ISM1: variants seen among roughly 807,000 people sequenced by gnomAD.
ISM1 encodes the protein isthmin-1.
A neutral mutation model predicts 46.3 loss-of-function variants in ISM1; 25 were observed. That is an observed-to-expected ratio of 0.54 (90% CI 0.39 to 0.75). ISM1 has a LOEUF of 0.75. Among genes scored for constraint, ISM1 ranks in the 30% least tolerant of loss-of-function variants. ISM1 has a pLI of 0.00. For synonymous variants in ISM1, 255 were observed against 256.7 expected, an observed-to-expected ratio of 0.99 and a Z score of 0.06; for missense variants, 536 against 625.4, an observed-to-expected ratio of 0.86 and a Z score of 1.52.
chr20:13,275,768 A>T (rs1464516528), intron 2 of ISM1, among the ~76,000 whole-genome samples: 3 of 152,224 alleles, frequency 2.0e-5, no homozygotes, highest in Non-Finnish European at 4.4e-5. Flanking sequence ...CTCGTTGGTG[A>T]TGATATTGGA....
At chr20:13,291,094 T>C (rs2040348572) in intron 4 of ISM1, among the ~76,000 whole-genome samples, 1 of 152,198 alleles carries the variant, frequency 6.6e-6, no homozygotes, top group East Asian at 1.9e-4. Context: ...CTCAAGGTGG[T>C]AGATTTAAGT....
At chr20:13,260,602 G>GTT (rs61296867) in intron 1 of ISM1, among the ~76,000 whole-genome samples, 57 of 145,228 alleles carry the variant, frequency 3.9e-4, no homozygotes, top group African/African-American at 9.8e-4. Context: ...ATAAAGTGGA[G>GTT]TTTTTTTTTT....
At chr20:13,311,118 C>T in the ISM1 span, among the ~76,000 whole-genome samples, 10 of 151,990 alleles carry the variant, frequency 6.6e-5, no homozygotes, top group Non-Finnish European at 1.2e-4. Flanking sequence ...CACTTGAACC[C>T]GGGAAGCGGA....
At position 13,270,316 on chromosome 20, in the gene ISM1, T is replaced by C. The variant is rs138596284; in HGVS notation, c.139-188T>C. 1.8e-4 allele frequency among the ~76,000 whole-genome samples: 27 copies of C among 152,342 alleles called. No homozygotes were observed. The East Asian group carries it at 5.2e-3, about 29-fold the overall frequency. On this transcript the variant is annotated intron_variant, in intron 1 of 5. Transcript: ENST00000262487. ...TTCCCAAGTAGCAGGCTAGAAGTTTTCTGATGATCTGGCTTTTAAGACATG... is the reference window on the plus strand; with the variant it reads ...TTCCCAAGTAGCAGGCTAGAAGTTTCCTGATGATCTGGCTTTTAAGACATG...
At chr20:13,244,613 A>G (rs1269627044) in intron 1 of ISM1, among the ~76,000 whole-genome samples, 1 of 152,238 alleles carries the variant, frequency 6.6e-6, no homozygotes, top group Non-Finnish European at 1.5e-5. Context: ...GTTCACAGGC[A>G]TGGTATTACC....
chr20:13,301,045 C>T (rs1374108751), downstream of ISM1, among the ~76,000 whole-genome samples: 1 of 152,164 alleles, frequency 6.6e-6, no homozygotes, highest in Non-Finnish European at 1.5e-5. Context: ...AGACATTGGA[C>T]CCATCTTTCA....
intron 1 of ISM1, chr20:13,239,372 GGGCATGAAT>G (rs1273912999): frequency 6.6e-6 from 1 of 152,214 alleles, no homozygotes; most frequent in Admixed American, 6.5e-5. Context: ...ACCCAATAAT[GGGCATGAAT>G]GGCCTTGGCC....
chr20:13,260,602 GT>G (rs61296867), intron 1 of ISM1, among the ~76,000 whole-genome samples: 11,921 of 145,036 alleles, frequency 0.082, 531 homozygotes, highest in African/African-American at 0.094. Flanking sequence ...ATAAAGTGGA[GT>G]TTTTTTTTTT....
chr20:13,255,408 A>G (rs1434152185), intron 1 of ISM1, among the ~76,000 whole-genome samples: 1 of 152,238 alleles, frequency 6.6e-6, no homozygotes, highest in Non-Finnish European at 1.5e-5. Flanking sequence ...TTAGCCAGAA[A>G]CTGGACAAAA....
chr20:13,229,634 C>G (rs1313467364), intron 1 of ISM1, among the ~76,000 whole-genome samples: 1 of 152,174 alleles, frequency 6.6e-6, no homozygotes, highest in African/African-American at 2.4e-5. Context: ...TATTCTTACA[C>G]AAGCCTTTCT....
intron 1 of ISM1, among the ~76,000 whole-genome samples, chr20:13,246,860 C>T (rs963368893): frequency 1.3e-5 from 2 of 152,120 alleles, no homozygotes; most frequent in African/African-American, 4.8e-5. Flanking sequence ...ATAACTCCTG[C>T]ATTGTAATTA....
At chr20:13,253,213 G>C (rs1223087294) in intron 1 of ISM1, among the ~76,000 whole-genome samples, 1 of 152,154 alleles carries the variant, frequency 6.6e-6, no homozygotes, top group Admixed American at 6.5e-5. Flanking sequence ...CAGGGTTTTT[G>C]ATCTTCTCAC....
At chr20:13,221,995 A>T in intron 1 of ISM1, 81 bp downstream of exon 1, 1 of 1,216,176 alleles carries the variant, frequency 8.2e-7, no homozygotes, top group South Asian at 2.8e-5. Flanking sequence ...TGCCGGGTGG[A>T]TGCAGGGAGG....
chr20:13,271,939 C>A (rs1345623403), intron 2 of ISM1, among the ~76,000 whole-genome samples: 3 of 152,072 alleles, frequency 2.0e-5, no homozygotes, highest in Non-Finnish European at 1.5e-5. Context: ...CCCCCACATC[C>A]AGCTCATTTT....
At chr20:13,280,485 TC>T (rs2040227912) in intron 3 of ISM1, among the ~76,000 whole-genome samples, 1 of 151,360 alleles carries the variant, frequency 6.6e-6, no homozygotes, top group Non-Finnish European at 1.5e-5. Flanking sequence ...CCTTCCAAAT[TC>T]AGTGAGTTAA....
the ISM1 span, among the ~76,000 whole-genome samples, chr20:13,311,941 CA>C: frequency 5.9e-3 from 892 of 151,656 alleles, 10 homozygotes; most frequent in African/African-American, 0.02. Context: ...TAAATATTCT[CA>C]AAAAAAATGA....
At chr20:13,269,394 A>G (rs1361463599) in intron 1 of ISM1, among the ~76,000 whole-genome samples, 3 of 152,234 alleles carry the variant, frequency 2.0e-5, no homozygotes, top group Admixed American at 6.5e-5. Context: ...CAGCTGGGAA[A>G]AACAGTGGGC....
chr20:13,231,979 A>G (rs79748754), intron 1 of ISM1, among the ~76,000 whole-genome samples: 4,813 of 152,300 alleles, frequency 0.032, 262 homozygotes, highest in African/African-American at 0.11. Context: ...AATGCAGAGA[A>G]GGTGGAAATG....
intron 4 of ISM1, among the ~76,000 whole-genome samples, chr20:13,291,076 C>A (rs182701892): frequency 2.8e-4 from 43 of 152,350 alleles, no homozygotes; most frequent in East Asian, 2.5e-3. Context: ...CCAGAGCTCA[C>A]ATCCAGACTC....
Sources: gnomAD v4.1 joint callset for allele counts (sites outside exome capture counted in the v4.1 genomes callset) on GRCh38, gnomAD v4.1.1 for gene constraint, MANE v1.5 for transcripts, NCBI Gene and HGNC (gene_info 2026-07-23, HGNC 2026-07-21) for gene names.